Variants in GALNT13 observed in about 807,000 individuals in gnomAD.
GALNT13 encodes UDP-GalNAc:polypeptide N-acetylgalactosaminyltransferase 13.
GALNT13 carries 28 observed loss-of-function variants against 64.2 expected under a neutral mutation model. The observed-to-expected ratio is 0.44, with a 90% CI of 0.32 to 0.60. The LOEUF is 0.60. GALNT13 is among the 20% of genes least tolerant of loss of function. The pLI is 0.05. For synonymous variants in GALNT13, 214 were observed against 224.6 expected (o/e 0.95, Z 0.42); for missense variants, 577 against 669.8 (o/e 0.86, Z 1.53).
the GALNT13 span, among the ~76,000 whole-genome samples, chr2:153,821,817 AAGACTGAT>A: frequency 2.5e-3 from 388 of 152,316 alleles, 2 homozygotes; most frequent in African/African-American, 9.1e-3. Flanking sequence ...AAGGGTAAAC[AAGACTGAT>A]AGACCACAAT....
chr2:154,224,853 C>T (rs571352667), intron 4 of GALNT13, among the ~76,000 whole-genome samples: 6 of 152,206 alleles, frequency 3.9e-5, no homozygotes, highest in African/African-American at 1.4e-4. Flanking sequence ...TGTGGTGATA[C>T]TGCACATGCA....
chr2:153,847,563 A>G, the GALNT13 span, among the ~76,000 whole-genome samples: 3 of 152,196 alleles, frequency 2.0e-5, no homozygotes, highest in African/African-American at 7.2e-5. Flanking sequence ...TCAATTGCAA[A>G]GAGACAACAT....
chr2:153,814,749 G>T, the GALNT13 span, among the ~76,000 whole-genome samples: 1 of 152,118 alleles, frequency 6.6e-6, no homozygotes, highest in Non-Finnish European at 1.5e-5. Context: ...CCCTCCAGCC[G>T]TTTCAACGAT....
chr2:153,236,801 G>C, the GALNT13 span, among the ~76,000 whole-genome samples: 1 of 152,026 alleles, frequency 6.6e-6, no homozygotes, highest in Non-Finnish European at 1.5e-5. Flanking sequence ...CATAAATCAA[G>C]GAGTAATTAT....
chr2:153,965,994 G>C (rs933469967), intron 3 of GALNT13, among the ~76,000 whole-genome samples: 2 of 151,648 alleles, frequency 1.3e-5, no homozygotes, highest in African/African-American at 4.8e-5. Context: ...ACAGTTTCAG[G>C]GTATTCTGTA....
intron 4 of GALNT13, among the ~76,000 whole-genome samples, chr2:154,170,336 G>C (rs1006628371): frequency 2.0e-5 from 3 of 152,014 alleles, no homozygotes; most frequent in African/African-American, 7.3e-5. Context: ...AGCTATTTGA[G>C]TTTACCTTAA....
chr2:153,173,661 A>G, the GALNT13 span, among the ~76,000 whole-genome samples: 1 of 151,812 alleles, frequency 6.6e-6, no homozygotes, highest in African/African-American at 2.4e-5. Context: ...CCCCAAATGT[A>G]TGTCTTTCCC....
the GALNT13 span, among the ~76,000 whole-genome samples, chr2:153,672,874 A>G: frequency 6.6e-6 from 1 of 151,998 alleles, no homozygotes; most frequent in African/African-American, 2.4e-5. Flanking sequence ...GATAAAGGGG[A>G]TATCACTACT....
At chr2:153,624,022 G>A in the GALNT13 span, among the ~76,000 whole-genome samples, 2 of 152,044 alleles carry the variant, frequency 1.3e-5, no homozygotes, top group Non-Finnish European at 2.9e-5. Flanking sequence ...CCATGAACAT[G>A]CCTATATTTT....
At chr2:154,245,388 C>T (rs890008869) in intron 6 of GALNT13, among the ~76,000 whole-genome samples, 4 of 152,062 alleles carry the variant, frequency 2.6e-5, no homozygotes, top group African/African-American at 9.7e-5. Flanking sequence ...TCTAAACTAA[C>T]GTACCCTACT....
chr2:154,154,073 GGC>G (rs1260929965), intron 4 of GALNT13, among the ~76,000 whole-genome samples: 8 of 152,070 alleles, frequency 5.3e-5, no homozygotes, highest in Admixed American at 3.9e-4. Context: ...CGGCCATCTT[GGC>G]TGCTTCAGTG....
intron 3 of GALNT13, among the ~76,000 whole-genome samples, chr2:153,970,618 T>A (rs1049277743): frequency 3.3e-5 from 5 of 152,186 alleles, no homozygotes; most frequent in African/African-American, 1.2e-4. Context: ...TAGACATTTG[T>A]GACCAAGGCT....
chr2:154,057,513 G>GC (rs1359748361), intron 3 of GALNT13, among the ~76,000 whole-genome samples: 1 of 152,108 alleles, frequency 6.6e-6, no homozygotes, highest in Non-Finnish European at 1.5e-5. Context: ...GAATATAATA[G>GC]CCGTTGCCCT....
the GALNT13 span, among the ~76,000 whole-genome samples, chr2:153,193,900 C>T: frequency 2.0e-5 from 3 of 152,112 alleles, no homozygotes; most frequent in East Asian, 5.8e-4. Flanking sequence ...TGTTTCCTTT[C>T]AGCTCTTTGA....
chr2:153,588,363 G>A, the GALNT13 span, among the ~76,000 whole-genome samples: 4 of 152,340 alleles, frequency 2.6e-5, no homozygotes, highest in African/African-American at 7.2e-5. Context: ...CGCCCCTGCA[G>A]CAAACTCCTG....
chr2:154,074,691 A>C (rs1700899030), intron 3 of GALNT13, among the ~76,000 whole-genome samples: 1 of 151,988 alleles, frequency 6.6e-6, no homozygotes, highest in Non-Finnish European at 1.5e-5. Flanking sequence ...ATCCTCAGTG[A>C]ACTACTGGCA....
intron 3 of GALNT13, among the ~76,000 whole-genome samples, chr2:154,055,432 C>A (rs943391795): frequency 6.6e-6 from 1 of 152,004 alleles, no homozygotes; most frequent in South Asian, 2.1e-4. Flanking sequence ...GAAATTTAAA[C>A]GTATTCTTTC....
At chr2:153,844,410 G>C in the GALNT13 span, among the ~76,000 whole-genome samples, 1 of 152,210 alleles carries the variant, frequency 6.6e-6, no homozygotes, top group East Asian at 1.9e-4. Flanking sequence ...AGAATGTGGA[G>C]AGCATTGTCC....
chr2:153,448,417 C>T, the GALNT13 span, among the ~76,000 whole-genome samples: 1 of 151,928 alleles, frequency 6.6e-6, no homozygotes, highest in Admixed American at 6.6e-5. Context: ...TCTTTGTTGT[C>T]TAGGAACAAA....
Sources: gnomAD v4.1 joint callset for allele counts (sites outside exome capture counted in the v4.1 genomes callset) on GRCh38, gnomAD v4.1.1 for gene constraint, MANE v1.5 for transcripts, NCBI Gene and HGNC (gene_info 2026-07-23, HGNC 2026-07-21) for gene names.